Variants in SETDB2 observed in about 807,000 individuals in gnomAD.
The protein encoded by SETDB2 is histone-lysine N-methyltransferase SETDB2.
A neutral mutation model predicts 82.5 loss-of-function variants in SETDB2; 56 were observed. The observed-to-expected ratio is 0.68, with a 90% CI of 0.55 to 0.85. The LOEUF (loss-of-function observed/expected upper bound fraction) is 0.85. SETDB2 is among the 40% of genes least tolerant of loss of function. SETDB2 has a pLI of 0.00. For missense variants in SETDB2, 677 were observed against 816.4 expected (o/e 0.83, Z 2.08); for synonymous variants, 272 against 284.9 (o/e 0.95, Z 0.46).
intron 2 of SETDB2, among the ~76,000 whole-genome samples, chr13:49,454,549 C>G (rs1957844196): frequency 6.6e-6 from 1 of 152,166 alleles, no homozygotes; most frequent in Middle Eastern, 3.2e-3. Flanking sequence ...TCCAAAGTTA[C>G]TTAGGTCAGT....
At chr13:49,481,926 T>C (rs1958486952) in intron 8 of SETDB2, 1 of 372,096 alleles carries the variant, frequency 2.7e-6, no homozygotes, top group African/African-American at 2.2e-5. Context: ...TACATGACCA[T>C]GTGCTTAGAA....
intron 2 of SETDB2, among the ~76,000 whole-genome samples, 192 bp downstream of exon 2, chr13:49,452,101 T>C (rs1311983983): frequency 6.6e-6 from 1 of 151,568 alleles, no homozygotes; most frequent in Non-Finnish European, 1.5e-5. Context: ...AAATTGACTT[T>C]TTTGTAAACT....
rs559942563 is a variant in SETDB2 at position 49,447,898 on chromosome 13, G to GTA, written c.-342+3045_-342+3046dup. The stretch of plus-strand genomic sequence containing the variant: ...TATTTTTCCTGCTTCAGAACAGTTT[G>GTA]TATATGATAAAAATTAGCCGTTCTC... On this transcript the variant is annotated intron_variant, in intron 1 of 13. Transcript: ENST00000611815. 2.3e-3 allele frequency among the ~76,000 whole-genome samples: 356 copies of GTA among 151,536 alleles called. 3 individuals carry two copies. The highest frequency in any genetic ancestry group is 8.2e-3 in the African/African-American group (339 of 41,294).
intron 1 of SETDB2, among the ~76,000 whole-genome samples, chr13:49,451,086 T>C (rs1957776932): frequency 1.3e-5 from 2 of 151,618 alleles, no homozygotes; most frequent in Non-Finnish European, 2.9e-5. Context: ...GGAAATGTTT[T>C]TAATGAAAGA....
chr13:49,447,394 C>G (rs1303777920), intron 1 of SETDB2, among the ~76,000 whole-genome samples: 1 of 152,102 alleles, frequency 6.6e-6, no homozygotes, highest in Non-Finnish European at 1.5e-5. Context: ...CTGAATTTCT[C>G]TAAGACTTCC....
At chr13:49,462,219 G>T (rs950123308) in intron 4 of SETDB2, among the ~76,000 whole-genome samples, 2 of 152,188 alleles carry the variant, frequency 1.3e-5, no homozygotes, top group African/African-American at 4.8e-5. Context: ...CTGGATATGG[G>T]GGTGGAAAGA....
At chr13:49,465,348 G>A (rs1454188810) in intron 4 of SETDB2, among the ~76,000 whole-genome samples, 1 of 152,060 alleles carries the variant, frequency 6.6e-6, no homozygotes, top group African/African-American at 2.4e-5. Flanking sequence ...AAATCCTCAT[G>A]TTTTTGAGTA....
At chr13:49,488,726 G>A (rs1334413469) in intron 12 of SETDB2, 96 bp downstream of exon 12, 5 of 1,015,896 alleles carry the variant, frequency 4.9e-6, no homozygotes, top group Non-Finnish European at 7.1e-6. Context: ...TCTAAAGTCA[G>A]ACCATCTGGT....
At chr13:49,447,799 A>T (rs1364984772) in intron 1 of SETDB2, among the ~76,000 whole-genome samples, 1 of 152,026 alleles carries the variant, frequency 6.6e-6, no homozygotes, top group African/African-American at 2.4e-5. Context: ...CCCAGTAGTG[A>T]TTTGGGCCTT....
At chr13:49,462,716 T>C (rs184819504) in intron 4 of SETDB2, among the ~76,000 whole-genome samples, 1 of 152,348 alleles carries the variant, frequency 6.6e-6, no homozygotes, top group African/African-American at 2.4e-5. Context: ...AATTTTTGTC[T>C]TTTATAATTT....
intron 5 of SETDB2, among the ~76,000 whole-genome samples, chr13:49,471,389 T>C (rs1217196425): frequency 6.6e-6 from 1 of 152,060 alleles, no homozygotes; most frequent in East Asian, 1.9e-4. Context: ...AAAAGGATAT[T>C]TACTTTTGTG....
chr13:49,478,732 G>A (rs892305968), intron 6 of SETDB2, among the ~76,000 whole-genome samples: 1 of 152,126 alleles, frequency 6.6e-6, no homozygotes, highest in African/African-American at 2.4e-5. Flanking sequence ...TTCGAGACCA[G>A]CCTGAGCAAC....
At chr13:49,477,159 G>T in intron 6 of SETDB2, 120 bp downstream of exon 6, 1 of 930,414 alleles carries the variant, frequency 1.1e-6, no homozygotes, top group Non-Finnish European at 1.5e-6. Flanking sequence ...AGTAAGACTG[G>T]GCGTGGTGGC....
At chr13:49,461,009 A>G in intron 3 of SETDB2, 88 bp from the exon 4 acceptor site, 2 of 997,796 alleles carry the variant, frequency 2.0e-6, no homozygotes, top group Non-Finnish European at 3.0e-6. Context: ...AGTGAAGATT[A>G]AATGAGATAA....
intron 13 of SETDB2, among the ~76,000 whole-genome samples, chr13:49,491,245 C>T (rs1233450506): frequency 1.3e-5 from 2 of 152,046 alleles, no homozygotes; most frequent in Admixed American, 6.6e-5. Flanking sequence ...ATACTATAGC[C>T]CCAAATATCT....
intron 8 of SETDB2, among the ~76,000 whole-genome samples, chr13:49,481,768 C>T (rs1958482315): frequency 6.6e-6 from 1 of 152,182 alleles, no homozygotes. Context: ...ATTTTCTGTG[C>T]ACATCCTTCT....
chr13:49,475,204 A>G (rs537702025), intron 5 of SETDB2, among the ~76,000 whole-genome samples: 3 of 152,236 alleles, frequency 2.0e-5, no homozygotes, highest in Admixed American at 2.0e-4. Context: ...TTACCATCAG[A>G]TCTCGTGAGA....
At chr13:49,469,729 C>A (rs1028355749) in intron 5 of SETDB2, among the ~76,000 whole-genome samples, 6 of 151,782 alleles carry the variant, frequency 4.0e-5, no homozygotes, top group African/African-American at 1.5e-4. Context: ...TTTTCCAGAC[C>A]TTGAGATTTA....
Position 49,490,926 on chromosome 13 carries a change from C to T in SETDB2, c.2006+16C>T, listed in dbSNP as rs12584213. ...TCACCAACAGGTTTGAAATTGATTT[C>T]GCTTACTTAATTCTGAAATTGTGAC... On this transcript the variant is annotated intron_variant, in intron 13 of 13. Coordinates refer to ENST00000611815, the MANE Select transcript of SETDB2 (RefSeq NM_001160308.3). 0.02 allele frequency: 31,169 copies of T among 1,591,434 alleles called. 498 individuals are homozygous for T. The highest frequency in any genetic ancestry group is 0.054 in the South Asian group (4,874 of 90,374).
Sources: allele counts gnomAD v4.1 joint callset (sites outside exome capture counted in the v4.1 genomes callset), GRCh38; gene constraint gnomAD v4.1.1; transcripts MANE v1.5; gene names NCBI Gene and HGNC (gene_info 2026-07-23, HGNC 2026-07-21).